PHKB: variants seen among roughly 807,000 people sequenced by gnomAD.
PHKB encodes the protein phosphorylase kinase regulatory subunit beta, also known as phosphorylase b kinase regulatory subunit beta.
PHKB carries 122 observed loss-of-function variants against 152.1 expected under a neutral mutation model. The ratio of observed to expected loss-of-function variants is 0.80; its 90% CI spans 0.69 to 0.93. The LOEUF is 0.93. PHKB is among the 40% of genes least tolerant of loss of function. PHKB has a pLI of 0.00. For missense variants in PHKB, 1,304 were observed against 1,328.4 expected, an observed-to-expected ratio of 0.98 and a Z score of 0.29; for synonymous variants, 436 against 464.9, an observed-to-expected ratio of 0.94 and a Z score of 0.80.
At chr16:47,686,706 A>G (rs959916347) in intron 26 of PHKB, among the ~76,000 whole-genome samples, 5 of 152,162 alleles carry the variant, frequency 3.3e-5, no homozygotes, top group Admixed American at 1.3e-4. Context: ...TAGTGGGTAT[A>G]AGCAGTGCTT....
chr16:47,653,464 G>T (rs1385190233), intron 20 of PHKB, among the ~76,000 whole-genome samples: 1 of 152,168 alleles, frequency 6.6e-6, no homozygotes, highest in East Asian at 1.9e-4. Flanking sequence ...AATCCCAGCA[G>T]TGTCTGGATC....
At chr16:47,675,959 A>C (rs947205392) in intron 26 of PHKB, 3 of 152,132 alleles carry the variant, frequency 2.0e-5, no homozygotes, top group Admixed American at 6.5e-5. Context: ...GTAAAAAGAT[A>C]CTTTTGTGTC....
intron 7 of PHKB, chr16:47,565,777 G>A: frequency 6.7e-7 from 1 of 1,494,122 alleles, no homozygotes; most frequent in Non-Finnish European, 9.3e-7. Flanking sequence ...TTCTGTAGCT[G>A]TTCTACTTCT....
chr16:47,538,697 ACT>A (rs1970998439), intron 6 of PHKB, among the ~76,000 whole-genome samples: 2 of 152,078 alleles, frequency 1.3e-5, no homozygotes, highest in Non-Finnish European at 2.9e-5. Context: ...GTGTTTGTTG[ACT>A]CTGAGCATAG....
chr16:47,636,599 G>C (rs576401148), intron 14 of PHKB, among the ~76,000 whole-genome samples: 1 of 152,364 alleles, frequency 6.6e-6, no homozygotes, highest in South Asian at 2.1e-4. Flanking sequence ...CCTGGGTGCT[G>C]ATGCAACACA....
At chr16:47,690,456 A>G (rs1259014833) in intron 27 of PHKB, among the ~76,000 whole-genome samples, 1 of 152,226 alleles carries the variant, frequency 6.6e-6, no homozygotes, top group Non-Finnish European at 1.5e-5. Context: ...GTAGACAACC[A>G]ATGTCAGAAG....
At chr16:47,566,883 G>A (rs1971578616) in intron 7 of PHKB, 1 of 685,244 alleles carries the variant, frequency 1.5e-6, no homozygotes, top group South Asian at 1.4e-5. Flanking sequence ...CTTCTTTTTT[G>A]CTTAGTTCTT....
At chr16:47,606,136 C>A (rs1972319785) in intron 13 of PHKB, among the ~76,000 whole-genome samples, 1 of 152,214 alleles carries the variant, frequency 6.6e-6, no homozygotes. Context: ...ACTCTTCCTC[C>A]TTCTTGTTAT....
chr16:47,537,899 TCTC>T (rs1567296782), intron 6 of PHKB, among the ~76,000 whole-genome samples: 38 of 150,278 alleles, frequency 2.5e-4, no homozygotes, highest in South Asian at 8.4e-4. Context: ...TCTCTCTCTC[TCTC>T]TTTTTAAGTT....
At chr16:47,621,883 G>C (rs1230590528) in intron 14 of PHKB, among the ~76,000 whole-genome samples, 3 of 151,668 alleles carry the variant, frequency 2.0e-5, no homozygotes, top group South Asian at 2.1e-4. Flanking sequence ...TCAATGCCTT[G>C]ATAAAAAAAA....
chr16:47,477,622 A>G (rs193163545), intron 1 of PHKB, among the ~76,000 whole-genome samples: 2 of 152,254 alleles, frequency 1.3e-5, no homozygotes, highest in East Asian at 3.9e-4. Flanking sequence ...CAAAATACTG[A>G]CCTAGGTTTA....
At chr16:47,685,189 G>A (rs1048743550) in intron 26 of PHKB, among the ~76,000 whole-genome samples, 1 of 152,186 alleles carries the variant, frequency 6.6e-6, no homozygotes, top group African/African-American at 2.4e-5. Flanking sequence ...CACTTTGGGA[G>A]GCCGAGGTGG....
rs201604618 is a variant in PHKB at position 47,693,520 on chromosome 16, C to T, written c.2895+13C>T. On this transcript the variant is annotated intron_variant, in intron 28 of 30. Coordinates refer to ENST00000323584, the MANE Select transcript of PHKB (RefSeq NM_000293.3). ...GCATTTGCCTCAGGTAAAGCCCCACCATGTTCACATAAAGAAAGGAGACTT... is the reference window on the plus strand; with the variant it reads ...GCATTTGCCTCAGGTAAAGCCCCACTATGTTCACATAAAGAAAGGAGACTT... 21 of 1,613,816 alleles carry T rather than the reference C, an allele frequency of 1.3e-5. No homozygotes were observed. The Admixed American group carries it at 1.8e-4, about 14-fold the overall frequency.
chr16:47,671,863 G>A (rs1361299972), intron 26 of PHKB, among the ~76,000 whole-genome samples: 2 of 152,050 alleles, frequency 1.3e-5, no homozygotes, highest in African/African-American at 4.8e-5. Flanking sequence ...TACCTACAGT[G>A]AACAAGATAA....
At chr16:47,480,491 A>G (rs979074342) in intron 1 of PHKB, among the ~76,000 whole-genome samples, 2 of 152,216 alleles carry the variant, frequency 1.3e-5, no homozygotes, top group Admixed American at 1.3e-4. Context: ...GAATGACCGT[A>G]AAAATAGTGG....
At chr16:47,504,017 T>C (rs1970369569) in intron 4 of PHKB, among the ~76,000 whole-genome samples, 1 of 152,158 alleles carries the variant, frequency 6.6e-6, no homozygotes, top group Admixed American at 6.5e-5. Flanking sequence ...CATCAATGCA[T>C]ATGGGTCCCT....
At chr16:47,524,860 G>A (rs191560139) in intron 6 of PHKB, among the ~76,000 whole-genome samples, 6 of 152,166 alleles carry the variant, frequency 3.9e-5, no homozygotes, top group African/African-American at 1.4e-4. Flanking sequence ...AGTCTTAAAA[G>A]GGAACACTTT....
chr16:47,479,999 C>G (rs1969936315), intron 1 of PHKB, among the ~76,000 whole-genome samples: 1 of 152,126 alleles, frequency 6.6e-6, no homozygotes, highest in Non-Finnish European at 1.5e-5. Flanking sequence ...CTGTACATTG[C>G]TATAAACGTT....
intron 1 of PHKB, among the ~76,000 whole-genome samples, chr16:47,476,360 A>T (rs985168214): frequency 2.6e-5 from 4 of 152,024 alleles, no homozygotes; most frequent in African/African-American, 4.8e-5. Context: ...CCATTCAGAG[A>T]TCCTCTTGTT....
Sources: allele counts gnomAD v4.1 joint callset (sites outside exome capture counted in the v4.1 genomes callset), GRCh38; gene constraint gnomAD v4.1.1; transcripts MANE v1.5; gene names NCBI Gene and HGNC (gene_info 2026-07-23, HGNC 2026-07-21).